ERGIC1: variants seen among roughly 807,000 people sequenced by gnomAD.
ERGIC1 encodes the protein endoplasmic reticulum-golgi intermediate compartment 1.
ERGIC1 carries 19 observed loss-of-function variants against 38.3 expected under a neutral mutation model. That is an observed-to-expected ratio of 0.50 (90% CI 0.35 to 0.73). The LOEUF is 0.73. Among genes scored for constraint, ERGIC1 ranks in the 30% least tolerant of loss-of-function variants. ERGIC1 has a pLI of 0.01. For synonymous variants in ERGIC1, 124 were observed against 157.6 expected, an observed-to-expected ratio of 0.79 and a Z score of 1.60; for missense variants, 294 against 389.2, an observed-to-expected ratio of 0.76 and a Z score of 2.06.
At chr5:172,887,560 C>T (rs1240700764) in intron 1 of ERGIC1, among the ~76,000 whole-genome samples, 4 of 152,202 alleles carry the variant, frequency 2.6e-5, no homozygotes, top group African/African-American at 4.8e-5. Context: ...AGAGGACCAG[C>T]CGAGATTTGA....
intron 4 of ERGIC1, among the ~76,000 whole-genome samples, chr5:172,913,236 G>A (rs975543366): frequency 5.3e-5 from 8 of 152,246 alleles, no homozygotes; most frequent in Admixed American, 3.3e-4. Context: ...CCTGCCGCAC[G>A]GCACTGGGAA....
At chr5:172,863,506 G>A (rs1332991093) in intron 1 of ERGIC1, among the ~76,000 whole-genome samples, 1 of 152,134 alleles carries the variant, frequency 6.6e-6, no homozygotes, top group Non-Finnish European at 1.5e-5. Context: ...CCTTGGGCGC[G>A]ATCAGCCGCA....
chr5:172,896,850 T>C, intron 2 of ERGIC1, 152 bp from the exon 3 acceptor site: 3 of 657,124 alleles, frequency 4.6e-6, no homozygotes, highest in Non-Finnish European at 7.9e-6. Flanking sequence ...GGCTGCTTCA[T>C]ATTGAGGCTC....
intron 3 of ERGIC1, among the ~76,000 whole-genome samples, chr5:172,901,608 T>G (rs941301386): frequency 6.6e-6 from 1 of 152,096 alleles, no homozygotes; most frequent in African/African-American, 2.4e-5. Context: ...TTATTTTTTG[T>G]TTGTTTGTTT....
At chr5:172,914,254 A>AATAAAT (rs1554112477) in intron 4 of ERGIC1, among the ~76,000 whole-genome samples, 6,107 of 131,384 alleles carry the variant, frequency 0.046, 389 homozygotes, top group African/African-American at 0.15. Context: ...AAAAAAAAAA[A>AATAAAT]AAATACAAAG....
chr5:172,880,740 T>G (rs756610211), intron 1 of ERGIC1, among the ~76,000 whole-genome samples: 1 of 152,244 alleles, frequency 6.6e-6, no homozygotes. Flanking sequence ...CACAGTGATC[T>G]CAGAATCCCT....
intron 1 of ERGIC1, among the ~76,000 whole-genome samples, chr5:172,856,688 A>C (rs1220575231): frequency 6.6e-6 from 1 of 152,208 alleles, no homozygotes; most frequent in Non-Finnish European, 1.5e-5. Flanking sequence ...GGGAGCACCG[A>C]AAGTCTTTTG....
intron 4 of ERGIC1, among the ~76,000 whole-genome samples, chr5:172,913,038 C>T (rs529799395): frequency 7.4e-5 from 11 of 148,072 alleles, no homozygotes; most frequent in Admixed American, 4.8e-4. Context: ...CAAAGTGCTG[C>T]GATTACCGGC....
intron 3 of ERGIC1, among the ~76,000 whole-genome samples, chr5:172,902,666 G>A (rs1762913695): frequency 6.6e-6 from 1 of 152,152 alleles, no homozygotes. Context: ...CATCCACCTG[G>A]TTGGTAATAG....
intron 3 of ERGIC1, among the ~76,000 whole-genome samples, chr5:172,908,707 A>T (rs982566910): frequency 6.6e-6 from 1 of 152,248 alleles, no homozygotes; most frequent in Admixed American, 6.5e-5. Context: ...TCTCCCAAGA[A>T]CACAGCCCGT....
chr5:172,856,410 A>G (rs1761549686), intron 1 of ERGIC1, among the ~76,000 whole-genome samples: 1 of 141,896 alleles, frequency 7.0e-6, no homozygotes, highest in South Asian at 2.3e-4. Flanking sequence ...ACAGGCAGGG[A>G]GTGAATCAGG....
At chr5:172,918,441 C>T (rs1763428353) in intron 5 of ERGIC1, 1 of 152,230 alleles carries the variant, frequency 6.6e-6, no homozygotes, top group Non-Finnish European at 1.5e-5. Context: ...TGGCGCCCCG[C>T]CCAGTCACTT....
chr5:172,889,096 C>T (rs554646577), intron 2 of ERGIC1, among the ~76,000 whole-genome samples: 8 of 152,252 alleles, frequency 5.3e-5, no homozygotes, highest in Admixed American at 4.6e-4. Context: ...ACCAGGCTGA[C>T]CAACATGCTG....
At chr5:172,948,683 G>C (rs1286404970) in intron 9 of ERGIC1, among the ~76,000 whole-genome samples, 1 of 152,230 alleles carries the variant, frequency 6.6e-6, no homozygotes, top group Non-Finnish European at 1.5e-5. Flanking sequence ...GCCTATGGCT[G>C]CTCCTAGGAT....
In ERGIC1 at chr5:172,846,304, C is replaced by T. The variant is rs148404996; in HGVS notation, c.20+11871C>T. The stretch of plus-strand genomic sequence containing the variant: ...TGTGTGATGCTACGTGACTTAACAG[C>T]GCCTCTTTCTGCGCTGTCTGTGCAG... On this transcript the variant is annotated intron_variant, in intron 1 of 9. Coordinates refer to ENST00000393784, the MANE Select transcript of ERGIC1 (RefSeq NM_001031711.3). This position sits in a 1 kb window ranked among gnomAD's most constrained non-coding sequence, Gnocchi z 4.0. Among the ~76,000 whole-genome samples, 4 of 152,332 alleles carry T rather than the reference C, an allele frequency of 2.6e-5. No homozygotes were observed. The highest frequency in any genetic ancestry group is 4.4e-5 in the Non-Finnish European group (3 of 68,026).
intron 1 of ERGIC1, chr5:172,867,255 C>T (rs546462776): frequency 2.7e-5 from 12 of 448,268 alleles, no homozygotes; most frequent in African/African-American, 2.4e-4. Flanking sequence ...ACTGCATGGT[C>T]AGGGTGTGAT....
chr5:172,943,333 G>A (rs1764051254), intron 9 of ERGIC1, among the ~76,000 whole-genome samples: 1 of 151,658 alleles, frequency 6.6e-6, no homozygotes, highest in Non-Finnish European at 1.5e-5. Context: ...GATACCACAC[G>A]CTCTCCTCCC....
intron 3 of ERGIC1, among the ~76,000 whole-genome samples, chr5:172,908,329 GGGGGGGA>G (rs1763101757): frequency 3.7e-4 from 1 of 2,670 alleles, no homozygotes. Flanking sequence ...AGAGAGGGGA[GGGGGGGA>G]GGGGGGAGGG....
Position 172,926,790 on chromosome 5 carries a change from C to G in ERGIC1, c.541+221C>G. 2 of 584,344 alleles carry G rather than the reference C, an allele frequency of 3.4e-6. No individual in the cohort carries two copies. Among genetic ancestry groups the G allele is most frequent in the South Asian group, 2.0e-5 (1 of 48,940 alleles). 36.2% of individuals were successfully genotyped at this position (584,344 alleles called of 1,614,324 possible). On this transcript the variant is annotated intron_variant, in intron 7 of 9. Transcript: ENST00000393784. The surrounding 1 kb of genome is among the most constrained non-coding windows in gnomAD (Gnocchi z 5.2). ...AAGGAAGAAGGCTTGTCCCGGGGCACAGCAGACGCACGCACGCAGTGGATA... is the reference window on the plus strand; with the variant it reads ...AAGGAAGAAGGCTTGTCCCGGGGCAGAGCAGACGCACGCACGCAGTGGATA...
Sources: gnomAD v4.1 joint callset for allele counts (sites outside exome capture counted in the v4.1 genomes callset) on GRCh38, gnomAD v4.1.1 for gene constraint, Gnocchi (gnomAD v3.1) non-coding constraint, MANE v1.5 for transcripts, NCBI Gene and HGNC (gene_info 2026-07-23, HGNC 2026-07-21) for gene names.